The following TMC1 variants were observed in gnomAD, a reference collection of about 807,000 sequenced individuals.
TMC1 encodes the protein transmembrane channel like 1, also known as transmembrane channel-like protein 1.
In TMC1, 84 loss-of-function variants were observed where a neutral mutation model predicts 105.8. The observed-to-expected ratio is 0.79, with a 90% CI of 0.67 to 0.95. The LOEUF is 0.95. TMC1 is among the 40% of genes least tolerant of loss of function. The pLI is 0.00. For synonymous variants in TMC1, 315 were observed against 311.5 expected (o/e 1.01, Z -0.12); for missense variants, 817 against 914.1 (o/e 0.89, Z 1.37).
At position 72,722,453 on chromosome 9, in the gene TMC1, G is replaced by T. The variant is rs532269780; in HGVS notation, c.363-17666G>T. Among the ~76,000 whole-genome samples the T allele has an allele frequency of 2.6e-5, 4 of 152,034 alleles. No individual in the cohort carries two copies. In the East Asian group the frequency reaches 7.7e-4, roughly 29 times the overall value. On this transcript the variant is annotated intron_variant, in intron 8 of 23. Coordinates refer to ENST00000297784, the MANE Select transcript of TMC1 (RefSeq NM_138691.3). ...ATCTCCCGTTTGAGCCTCTTTCTCT[G>T]CCAACGCCCATAGAAATAAAATTCA...
chr9:72,645,066 A>G (rs1274513694), intron 4 of TMC1, among the ~76,000 whole-genome samples: 1 of 152,216 alleles, frequency 6.6e-6, no homozygotes, highest in Non-Finnish European at 1.5e-5. Flanking sequence ...TTTTAAGAAC[A>G]GATGATATGA....
chr9:72,742,303 TC>T lies in TMC1; in HGVS notation c.454-136del, dbSNP rs1447789250. On this transcript the variant is annotated intron_variant, in intron 9 of 23. Transcript: ENST00000297784. ...AGGGAAACAAGTGAAACCTACTGTT[TC>T]CCCCTTTGACTAGAAAGTAGTATTT... 7 of 722,786 alleles carry T rather than the reference TC, an allele frequency of 9.7e-6. No homozygotes were observed. In the East Asian group the frequency reaches 1.6e-4, roughly 17 times the overall value. 44.8% of individuals were successfully genotyped at this position (722,786 alleles called of 1,614,324 possible).
intron 18 of TMC1, among the ~76,000 whole-genome samples, chr9:72,807,534 A>G (rs1828625223): frequency 6.6e-6 from 1 of 152,174 alleles, no homozygotes; most frequent in Non-Finnish European, 1.5e-5. Context: ...AACTCAGTAA[A>G]TCTTGGCCCT....
intron 10 of TMC1, 107 bp from the exon 11 acceptor site, chr9:72,751,743 A>G (rs1426376808): frequency 5.3e-6 from 4 of 759,544 alleles, no homozygotes; most frequent in Non-Finnish European, 9.5e-6. Context: ...AAAAGGACCA[A>G]TGCCTCACAA....
At chr9:72,565,066 G>GA (rs1824123501) in intron 1 of TMC1, among the ~76,000 whole-genome samples, 1 of 152,130 alleles carries the variant, frequency 6.6e-6, no homozygotes, top group Admixed American at 6.5e-5. Flanking sequence ...TAAGACTTAG[G>GA]AAAAAGAAGT....
At chr9:72,623,075 AAACAAC>A (rs968443626) in intron 3 of TMC1, among the ~76,000 whole-genome samples, 5 of 151,128 alleles carry the variant, frequency 3.3e-5, no homozygotes, top group African/African-American at 1.2e-4. Context: ...AACAAAAGAA[AAACAAC>A]AACAACAACA....
At chr9:72,674,662 C>T (rs868303767) in intron 5 of TMC1, among the ~76,000 whole-genome samples, 11 of 152,216 alleles carry the variant, frequency 7.2e-5, no homozygotes, top group Middle Eastern at 6.3e-3. Flanking sequence ...TGTGTTTTCA[C>T]AAGCTCTCCA....
At chr9:72,723,148 G>T (rs1356198196) in intron 8 of TMC1, among the ~76,000 whole-genome samples, 2 of 152,066 alleles carry the variant, frequency 1.3e-5, no homozygotes, top group Non-Finnish European at 2.9e-5. Flanking sequence ...GTGCATCAAT[G>T]ACTTCTTATC....
At chr9:72,669,310 A>G (rs1004416924) in intron 5 of TMC1, among the ~76,000 whole-genome samples, 5 of 152,180 alleles carry the variant, frequency 3.3e-5, no homozygotes, top group Admixed American at 6.6e-5. Context: ...CTCTATCTAA[A>G]GAAAAAAAAA....
chr9:72,526,740 C>T (rs931278321), intron 1 of TMC1, among the ~76,000 whole-genome samples: 1 of 152,140 alleles, frequency 6.6e-6, no homozygotes, highest in Non-Finnish European at 1.5e-5. Context: ...CACAAATGAG[C>T]ATGAAGGGCA....
In TMC1 at chr9:72,621,722, G is replaced by A. The variant is rs75977467; in HGVS notation, c.-196+5245G>A. 1.7e-3 allele frequency among the ~76,000 whole-genome samples: 253 copies of A among 152,154 alleles called. 1 individual carries two copies. Among genetic ancestry groups the A allele is most frequent in the African/African-American group, 5.6e-3 (233 of 41,500 alleles). ...AATTTGTTCTAGAAAATCACCCTCCGAGAATCATGCAGATTGTGCTTAGGC... is the reference window on the plus strand; with the variant it reads ...AATTTGTTCTAGAAAATCACCCTCCAAGAATCATGCAGATTGTGCTTAGGC... On this transcript the variant is annotated intron_variant, in intron 3 of 23. Transcript: ENST00000297784.
At chr9:72,652,420 G>C (rs1204960460) in intron 5 of TMC1, among the ~76,000 whole-genome samples, 1 of 152,116 alleles carries the variant, frequency 6.6e-6, no homozygotes, top group Non-Finnish European at 1.5e-5. Flanking sequence ...TGGCTAGATG[G>C]CTAGTAATGG....
At chr9:72,571,620 G>A (rs1303802921) in intron 1 of TMC1, among the ~76,000 whole-genome samples, 1 of 151,130 alleles carries the variant, frequency 6.6e-6, no homozygotes, top group Non-Finnish European at 1.5e-5. Context: ...CTAATTTTTT[G>A]TATTTTTAGT....
At chr9:72,691,351 G>A (rs984245078) in intron 6 of TMC1, among the ~76,000 whole-genome samples, 1 of 151,982 alleles carries the variant, frequency 6.6e-6, no homozygotes, top group African/African-American at 2.4e-5. Context: ...GTTGTTTGGG[G>A]TATGTTTTCC....
chr9:72,664,149 A>G (rs921747589), intron 5 of TMC1, among the ~76,000 whole-genome samples: 9 of 152,236 alleles, frequency 5.9e-5, no homozygotes, highest in Admixed American at 6.5e-5. Context: ...ATAACGATTA[A>G]GAGTATTGTA....
rs1284815727 is a variant in TMC1, at chr9:72,701,179, GCA to G, written c.362+539_362+540del. On this transcript the variant is annotated intron_variant, in intron 8 of 23. Coordinates refer to ENST00000297784, the MANE Select transcript of TMC1 (RefSeq NM_138691.3). ...TTTTCATGTGACAGCTTACATTAAA[GCA>G]CAGAGAAGATGCTAGGCCAACAGAA... is the stretch of plus-strand genomic sequence containing the variant. Among the ~76,000 whole-genome samples, 9 of 152,160 alleles carry G rather than the reference GCA, an allele frequency of 5.9e-5. 1 individual carries two copies.
intron 5 of TMC1, 128 bp from the exon 6 acceptor site, chr9:72,688,581 G>A (rs2132183821): frequency 2.4e-6 from 2 of 825,528 alleles, no homozygotes; most frequent in Non-Finnish European, 3.9e-6. Context: ...GCTCATTTTG[G>A]CAAGTTTATG....
At chr9:72,708,733 T>C (rs1826785828) in intron 8 of TMC1, among the ~76,000 whole-genome samples, 1 of 152,186 alleles carries the variant, frequency 6.6e-6, no homozygotes, top group Non-Finnish European at 1.5e-5. Flanking sequence ...TTTCACCTCT[T>C]TACCAATCTG....
chr9:72,757,696 G>A (rs1005619844), intron 12 of TMC1, among the ~76,000 whole-genome samples: 7 of 152,196 alleles, frequency 4.6e-5, no homozygotes, highest in Non-Finnish European at 7.3e-5. Flanking sequence ...GACCTGTCAC[G>A]TGAGGTGAGG....
Sources: gnomAD v4.1 joint callset for allele counts (sites outside exome capture counted in the v4.1 genomes callset) on GRCh38, gnomAD v4.1.1 for gene constraint, MANE v1.5 for transcripts, NCBI Gene and HGNC (gene_info 2026-07-23, HGNC 2026-07-21) for gene names.